Variants in SOSTDC1 observed in about 807,000 individuals in gnomAD.
The protein encoded by SOSTDC1 is sclerostin domain-containing protein 1.
In SOSTDC1, 7 loss-of-function variants were observed where a neutral mutation model predicts 15.1. The ratio of observed to expected loss-of-function variants is 0.46; its 90% CI spans 0.26 to 0.87. SOSTDC1 has a LOEUF of 0.87. SOSTDC1 is among the 40% of genes least tolerant of loss of function. SOSTDC1 has a pLI of 0.15. For synonymous variants in SOSTDC1, 94 were observed against 93.2 expected, an observed-to-expected ratio of 1.01 and a Z score of -0.05; for missense variants, 242 against 259.2, an observed-to-expected ratio of 0.93 and a Z score of 0.46.
rs766000324 is a variant in SOSTDC1, at chr7:16,461,954, C to T, written c.*594G>A. 6 of 152,542 alleles carry T rather than the reference C, an allele frequency of 3.9e-5. No homozygotes were observed. Among genetic ancestry groups the T allele is most frequent in the Admixed American group, 6.5e-5 (1 of 15,274 alleles). 9.4% of individuals were successfully genotyped at this position (152,542 alleles called of 1,614,324 possible). A position where few individuals can be genotyped will look rare whatever the true frequency, so the allele number is the denominator to read the frequency against. On this transcript the variant is annotated 3_prime_UTR_variant, in exon 2 of 2. Coordinates refer to ENST00000307068, the MANE Select transcript of SOSTDC1 (RefSeq NM_015464.3). ...TGCATTTCTGGCATTCCATTCCAAGCGAGGGTCAGCATGCAGGGTATAATT... is the reference window on the plus strand; with the variant it reads ...TGCATTTCTGGCATTCCATTCCAAGTGAGGGTCAGCATGCAGGGTATAATT...
At chr7:16,465,387 TA>T in intron 1 of SOSTDC1, 76 bp downstream of exon 1, 2 of 1,282,484 alleles carry the variant, frequency 1.6e-6, no homozygotes, top group Non-Finnish European at 2.2e-6. Context: ...TAGTTACCAA[TA>T]AAACAATTCT....
At position 16,461,882 on chromosome 7, in the gene SOSTDC1, C is replaced by T. The variant is rs185970032; in HGVS notation, c.*666G>A. ...CATGTGAAAGCTCATTAAATAATAA[C>T]ATTGACAAATAAATAGTTAATCAGC... is the stretch of plus-strand genomic sequence containing the variant. On this transcript the variant is annotated 3_prime_UTR_variant, in exon 2 of 2. Transcript: ENST00000307068. The T allele has an allele frequency of 6.6e-6, 1 of 152,664 alleles. No homozygotes were observed. Among genetic ancestry groups the T allele is most frequent in the African/African-American group, 2.4e-5 (1 of 41,548 alleles). The allele number at this position is 152,664 out of a possible 1,614,324, so 9.5% of individuals were successfully genotyped here. A position where few individuals can be genotyped will look rare whatever the true frequency, so the allele number is the denominator to read the frequency against.
At chr7:16,463,137 C>A (rs751472472) in intron 1 of SOSTDC1, among the ~76,000 whole-genome samples, 174 bp from the exon 2 acceptor site, 1 of 152,080 alleles carries the variant, frequency 6.6e-6, no homozygotes, top group Non-Finnish European at 1.5e-5. Flanking sequence ...TATAGGGACA[C>A]TTTCATGAAA....
intron 1 of SOSTDC1, among the ~76,000 whole-genome samples, 164 bp downstream of exon 1, chr7:16,465,300 T>C (rs1426878330): frequency 2.0e-5 from 3 of 152,184 alleles, no homozygotes; most frequent in African/African-American, 7.2e-5. Context: ...TTAAAATCAC[T>C]ACCTAGGGAA....
chr7:16,463,965 C>G (rs1044332606), intron 1 of SOSTDC1, among the ~76,000 whole-genome samples: 22 of 150,546 alleles, frequency 1.5e-4, no homozygotes, highest in African/African-American at 4.4e-4. Flanking sequence ...TTGCCTATAA[C>G]AAGCTTGAAA....
Position 16,462,716 on chromosome 7 carries a change from G to C in SOSTDC1, c.453C>G (p.Ser151Arg). The change falls in exon 2 of 2, where the codon AGC becomes AGG. Residue 151 changes from serine (S) to arginine (R), a missense_variant. Transcript: ENST00000307068. ...QRIQLQCQDG[S>R]TRTYKITVVT... Reference sequence around the variant, plus strand: ...CTACTGTGATTTTGTAGGTGCGTGTGCTGCCATCTTGGCACTGCAGCTGGA... The same window carrying C: ...CTACTGTGATTTTGTAGGTGCGTGTCCTGCCATCTTGGCACTGCAGCTGGA... 6.2e-7 allele frequency: 1 copy of C among 1,614,204 alleles called. No homozygotes were observed. The highest frequency in any genetic ancestry group is 8.5e-7 in the Non-Finnish European group (1 of 1,180,050).
Position 16,462,296 on chromosome 7 carries a change from A to G in SOSTDC1, c.*252T>C. ...AACAGTCTTTTAAGAACAATGAGGA[A>G]TTAAAACTACAGGATACGTGGAATT... On this transcript the variant is annotated 3_prime_UTR_variant, in exon 2 of 2. Coordinates refer to ENST00000307068, the MANE Select transcript of SOSTDC1 (RefSeq NM_015464.3). 2.2e-6 allele frequency: 1 copy of G among 449,770 alleles called. No homozygotes were observed. Among genetic ancestry groups the G allele is most frequent in the Non-Finnish European group, 4.0e-6 (1 of 250,092 alleles). 27.9% of individuals were successfully genotyped at this position (449,770 alleles called of 1,614,324 possible).
intron 1 of SOSTDC1, chr7:16,464,307 C>G (rs67149353): frequency 0.23 from 348,944 of 1,544,464 alleles, 41,334 homozygotes; most frequent in Admixed American, 0.25. Context: ...GATTCTGCCT[C>G]CAGCTCACCT....
chr7:16,462,610 G>T lies in SOSTDC1; in HGVS notation c.559C>A (p.Pro187Thr), dbSNP rs1340982183. 6.2e-7 allele frequency: 1 copy of T among 1,614,066 alleles called. No homozygotes were observed. Among genetic ancestry groups the T allele is most frequent in the African/African-American group, 1.3e-5 (1 of 74,932 alleles). ...TTCCGCTCTCTGTGATGCTGGACTG[G>T]CTTGGCAGGTGACATGCTCTCAAAG... The part of the protein sequence containing the change: ...HNFESMSPAK[P>T]VQHHRERKRA... Residue 187 changes from proline (P) to threonine (T), a missense_variant, in exon 2 of 2, where the codon CCA (proline) becomes ACA (threonine). Pro to Thr is a conservative substitution (Grantham distance 38, BLOSUM62 -1). Transcript: ENST00000307068.
At chr7:16,463,064 A>T (rs1224350927) in intron 1 of SOSTDC1, 101 bp from the exon 2 acceptor site, 2 of 1,200,026 alleles carry the variant, frequency 1.7e-6, no homozygotes, top group South Asian at 1.8e-5. Flanking sequence ...AATGATAGCA[A>T]ATTGCCAAAT....
intron 1 of SOSTDC1, among the ~76,000 whole-genome samples, chr7:16,463,726 G>T (rs1468549306): frequency 6.6e-6 from 1 of 152,108 alleles, no homozygotes; most frequent in Non-Finnish European, 1.5e-5. Context: ...TGAATTTTAT[G>T]GCAGAAAAAT....
In SOSTDC1 at chr7:16,461,924, T is replaced by C. The variant is rs191078877; in HGVS notation, c.*624A>G. 6 of 152,784 alleles carry C rather than the reference T, an allele frequency of 3.9e-5. No individual in the cohort carries two copies. The highest frequency in any genetic ancestry group is 3.3e-4 in the Admixed American group (5 of 15,302). 9.5% of individuals were successfully genotyped at this position (152,784 alleles called of 1,614,324 possible). ...TTAATCAGCTTTACTTATTAGCTGC[T>C]GCCATGCATTTCTGGCATTCCATTC... is the stretch of plus-strand genomic sequence containing the variant. On this transcript the variant is annotated 3_prime_UTR_variant, in exon 2 of 2. Coordinates refer to ENST00000307068, the MANE Select transcript of SOSTDC1 (RefSeq NM_015464.3).
At chr7:16,465,441 C>T in intron 1 of SOSTDC1, 23 bp downstream of exon 1, 2 of 1,567,844 alleles carry the variant, frequency 1.3e-6, no homozygotes, top group South Asian at 1.1e-5. Context: ...AAAAAAAAAA[C>T]TGTACAAGTA....
intron 1 of SOSTDC1, among the ~76,000 whole-genome samples, chr7:16,463,347 T>G (rs1781243725): frequency 6.6e-6 from 1 of 152,220 alleles, no homozygotes; most frequent in Non-Finnish European, 1.5e-5. Flanking sequence ...TACTTTAATA[T>G]TCTCTTTCTC....
intron 1 of SOSTDC1, chr7:16,464,395 T>A (rs1232821141): frequency 6.5e-7 from 1 of 1,549,074 alleles, no homozygotes; most frequent in South Asian, 1.2e-5. Context: ...TTCCTGTGTA[T>A]ATACAGATTT....
chr7:16,465,461 T>C lies in SOSTDC1; in HGVS notation c.205+3A>G. ...AAAAACTGTACAAGTAAAACACACTTACTGTTCCGATCCAGTCCAGTGTTA... is the reference window on the plus strand; with the variant it reads ...AAAAACTGTACAAGTAAAACACACTCACTGTTCCGATCCAGTCCAGTGTTA... On this transcript the variant is annotated splice_donor_region_variant and intron_variant, in intron 1 of 1. Coordinates refer to ENST00000307068, the MANE Select transcript of SOSTDC1 (RefSeq NM_015464.3). 1 of 1,611,878 alleles carries C rather than the reference T, an allele frequency of 6.2e-7. No individual in the cohort carries two copies. The highest frequency in any genetic ancestry group is 8.5e-7 in the Non-Finnish European group (1 of 1,178,034).
intron 1 of SOSTDC1, among the ~76,000 whole-genome samples, chr7:16,464,058 A>G (rs761184539): frequency 6.6e-5 from 10 of 152,208 alleles, no homozygotes; most frequent in Non-Finnish European, 1.0e-4. Context: ...TAAAAATGAT[A>G]AGGGACACTG....
At position 16,465,603 on chromosome 7, in the gene SOSTDC1, C is replaced by T; in HGVS notation, c.66G>A (p.Leu22=). The T allele has an allele frequency of 6.2e-7, 1 of 1,614,038 alleles. No homozygotes were observed. The highest frequency in any genetic ancestry group is 1.1e-5 in the South Asian group (1 of 91,070). ...TTTCTGTGGCATCATTTTTAAAAGC[C>T]AAACAGCTTTTCATTAGGATGCATG... ...PLACILMKSC[L]AFKNDATEIL... Residue 22 remains leucine (L), a synonymous_variant, in exon 1 of 2, where the codon TTG becomes TTA. Coordinates refer to ENST00000307068, the MANE Select transcript of SOSTDC1 (RefSeq NM_015464.3).
chr7:16,465,590 C>T lies in SOSTDC1; in HGVS notation c.79G>A (p.Asp27Asn), dbSNP rs1251479346. Residue 27 changes from aspartate (D) to asparagine (N), a missense_variant, in exon 1 of 2, where the codon GAT (aspartate) becomes AAT (asparagine). Physicochemically the swap from Asp to Asn is conservative, Grantham distance 23. Coordinates refer to ENST00000307068, the MANE Select transcript of SOSTDC1 (RefSeq NM_015464.3). ...TGTGAATAAAGGATTTCTGTGGCAT[C>T]ATTTTTAAAAGCCAAACAGCTTTTC... ...LMKSCLAFKNDATEILYSHVV... is the reference protein window; with the variant it reads ...LMKSCLAFKNNATEILYSHVV... 6.2e-7 allele frequency: 1 copy of T among 1,613,954 alleles called. No individual in the cohort carries two copies. The highest frequency in any genetic ancestry group is 8.5e-7 in the Non-Finnish European group (1 of 1,180,006).
Sources: allele counts gnomAD v4.1 joint callset (sites outside exome capture counted in the v4.1 genomes callset), GRCh38; gene constraint gnomAD v4.1.1; transcripts MANE v1.5; gene names NCBI Gene and HGNC (gene_info 2026-07-23, HGNC 2026-07-21).